Variants in ZNF280D observed in about 807,000 individuals in gnomAD.
ZNF280D encodes zinc finger protein 280D.
ZNF280D carries 39 observed loss-of-function variants against 94.7 expected under a neutral mutation model. The ratio of observed to expected loss-of-function variants is 0.41; its 90% CI spans 0.32 to 0.54. The LOEUF (loss-of-function observed/expected upper bound fraction) is 0.54. Ranked by LOEUF, ZNF280D falls within the 20% of genes least tolerant of loss-of-function variation. The pLI, the probability that ZNF280D is intolerant of heterozygous loss-of-function variation, is 0.22. For missense variants in ZNF280D, 1,090 were observed against 1,149.3 expected (o/e 0.95, Z 0.75); for synonymous variants, 398 against 377.6 (o/e 1.05, Z -0.63).
At chr15:56,636,225 G>A (rs561464500) in intron 20 of ZNF280D, among the ~76,000 whole-genome samples, 2 of 152,238 alleles carry the variant, frequency 1.3e-5, no homozygotes, top group Admixed American at 6.5e-5. Context: ...GAAAGTCATT[G>A]GAAGAGTGGT....
chr15:56,651,052 ATAATG>A (rs1279923372), intron 19 of ZNF280D, among the ~76,000 whole-genome samples: 2 of 152,214 alleles, frequency 1.3e-5, no homozygotes, highest in African/African-American at 4.8e-5. Context: ...TTTCACAAAT[ATAATG>A]TAAGTTCCAT....
intron 13 of ZNF280D, among the ~76,000 whole-genome samples, chr15:56,673,435 T>C (rs1260142398): frequency 6.6e-6 from 1 of 152,064 alleles, no homozygotes; most frequent in Non-Finnish European, 1.5e-5. Flanking sequence ...AAACCATTCA[T>C]AATCTTTCCA....
intron 13 of ZNF280D, among the ~76,000 whole-genome samples, chr15:56,673,456 C>T (rs188011110): frequency 1.8e-3 from 281 of 152,158 alleles, no homozygotes; most frequent in Middle Eastern, 3.4e-3. Context: ...CTTCTCATTA[C>T]CTCGTTCAAC....
At chr15:56,720,511 T>TCTC (rs1461344605) in intron 1 of ZNF280D, among the ~76,000 whole-genome samples, 2 of 152,288 alleles carry the variant, frequency 1.3e-5, no homozygotes, top group East Asian at 3.9e-4. Context: ...ACCTCCTCCA[T>TCTC]CAATCACAAA....
intron 1 of ZNF280D, among the ~76,000 whole-genome samples, chr15:56,718,481 CAT>C (rs1311033127): frequency 6.6e-6 from 1 of 152,162 alleles, no homozygotes. Context: ...AGAATTTTAA[CAT>C]TTTTGTAAAT....
At position 56,679,499 on chromosome 15, in the gene ZNF280D, T is replaced by C. The variant is rs797008697; in HGVS notation, c.1005-678A>G. Among the ~76,000 whole-genome samples the C allele has an allele frequency of 1.6e-4, 25 of 152,350 alleles. 1 individual carries two copies. The highest frequency in any genetic ancestry group is 3.6e-4 in the African/African-American group (15 of 41,578). ...CAGACAGTGCCCTTTGTAGGCAACA[T>C]ACATTTTTCAGTTTTACATTCTGCT... On this transcript the variant is annotated intron_variant, in intron 10 of 21. Coordinates refer to ENST00000267807, the MANE Select transcript of ZNF280D (RefSeq NM_017661.4).
chr15:56,719,810 A>G (rs933795166), intron 1 of ZNF280D, among the ~76,000 whole-genome samples: 7 of 151,160 alleles, frequency 4.6e-5, no homozygotes, highest in Non-Finnish European at 1.0e-4. Flanking sequence ...GTTTACAACT[A>G]TAGTGTAGTC....
intron 21 of ZNF280D, among the ~76,000 whole-genome samples, chr15:56,634,936 T>C (rs1461976524): frequency 6.6e-6 from 1 of 152,136 alleles, no homozygotes; most frequent in Admixed American, 6.5e-5. Flanking sequence ...ACATTTTACT[T>C]GCTAGTAAGT....
At chr15:56,729,963 A>C (rs762090781) in intron 1 of ZNF280D, 22 of 152,230 alleles carry the variant, frequency 1.4e-4, no homozygotes, top group Non-Finnish European at 3.2e-4. Context: ...TTCTAAGTAC[A>C]TACAAAGATA....
At chr15:56,702,840 G>C (rs1229798690) in intron 4 of ZNF280D, among the ~76,000 whole-genome samples, 1 of 151,332 alleles carries the variant, frequency 6.6e-6, no homozygotes, top group Non-Finnish European at 1.5e-5. Context: ...AGAGGTAAGT[G>C]AAGCAAGAAC....
In ZNF280D at chr15:56,659,892, A is replaced by G. The variant is rs905898850; in HGVS notation, c.1995-1406T>C. 7.0e-4 allele frequency among the ~76,000 whole-genome samples: 105 copies of G among 149,862 alleles called. 1 individual carries two copies. The highest frequency in any genetic ancestry group is 2.4e-3 in the African/African-American group (99 of 41,080). ...TGTCCCCAGCACCACATGTATGTATAGGGAAAAAAAGGAAAAAAAAAATAT... is the reference window on the plus strand; with the variant it reads ...TGTCCCCAGCACCACATGTATGTATGGGGAAAAAAAGGAAAAAAAAAATAT... On this transcript the variant is annotated intron_variant, in intron 16 of 21. Transcript: ENST00000267807.
At chr15:56,680,439 G>A (rs370326068) in intron 10 of ZNF280D, among the ~76,000 whole-genome samples, 6 of 151,936 alleles carry the variant, frequency 3.9e-5, no homozygotes, top group East Asian at 1.9e-4. Flanking sequence ...CTAAACATAC[G>A]TAGCTAGTCT....
chr15:56,716,409 A>G (rs2058045416), intron 1 of ZNF280D, among the ~76,000 whole-genome samples: 1 of 151,864 alleles, frequency 6.6e-6, no homozygotes, highest in African/African-American at 2.4e-5. Context: ...AGGAGAAGGA[A>G]GGGAGGATTC....
At chr15:56,636,113 TA>T (rs1394785014) in intron 20 of ZNF280D, among the ~76,000 whole-genome samples, 7 of 152,116 alleles carry the variant, frequency 4.6e-5, no homozygotes, top group Admixed American at 3.9e-4. Context: ...AAAACTCTGC[TA>T]AAACAAGGGC....
Position 56,669,878 on chromosome 15 carries a change from TATATATATATTATATATATATATA to T in ZNF280D, c.1411-945_1411-922del, listed in dbSNP as rs2054579242. Among the ~76,000 whole-genome samples the T allele has an allele frequency of 3.4e-4, 3 of 8,838 alleles. 1 individual carries two copies. The highest frequency in any genetic ancestry group is 5.2e-4 in the Non-Finnish European group (2 of 3,838). The allele number at this position is 8,838 out of a possible 152,430, so 5.8% of individuals were successfully genotyped here. On this transcript the variant is annotated intron_variant, in intron 13 of 21. Transcript: ENST00000267807. ...ATTTTATATATATATATATTTTATA[TATATATATATTATATATATATATA>T]ATATATATATATTATATATATATTA...
chr15:56,702,903 G>T (rs2141207827), intron 4 of ZNF280D, among the ~76,000 whole-genome samples: 1 of 127,050 alleles, frequency 7.9e-6, no homozygotes, highest in East Asian at 2.4e-4. Context: ...CACTACCATG[G>T]TAAGTAAACA....
At chr15:56,634,804 A>T (rs1349044735) in intron 21 of ZNF280D, among the ~76,000 whole-genome samples, 2 of 152,106 alleles carry the variant, frequency 1.3e-5, no homozygotes, top group Non-Finnish European at 2.9e-5. Context: ...AAGTAGTCTT[A>T]TAGCTTTTTG....
intron 16 of ZNF280D, among the ~76,000 whole-genome samples, chr15:56,663,463 A>G (rs1394554188): frequency 2.6e-5 from 4 of 152,060 alleles, no homozygotes; most frequent in Non-Finnish European, 5.9e-5. Flanking sequence ...TGCTTTGGAG[A>G]AAATCAGGCT....
intron 1 of ZNF280D, among the ~76,000 whole-genome samples, chr15:56,715,926 C>A (rs1212655230): frequency 6.6e-6 from 1 of 151,982 alleles, no homozygotes; most frequent in Non-Finnish European, 1.5e-5. Flanking sequence ...AAAAAATGCA[C>A]CTTTAAAAAA....
Sources: gnomAD v4.1 joint callset for allele counts (sites outside exome capture counted in the v4.1 genomes callset) on GRCh38, gnomAD v4.1.1 for gene constraint, MANE v1.5 for transcripts, NCBI Gene and HGNC (gene_info 2026-07-23, HGNC 2026-07-21) for gene names.